Variants in WWP2 observed in about 807,000 individuals in gnomAD.
WWP2 encodes NEDD4-like E3 ubiquitin-protein ligase WWP2.
WWP2 carries 57 observed loss-of-function variants against 121.0 expected under a neutral mutation model. The ratio of observed to expected loss-of-function variants is 0.47; its 90% CI spans 0.38 to 0.59. The LOEUF is 0.59. Ranked by LOEUF, WWP2 falls within the 20% of genes least tolerant of loss-of-function variation. The pLI, the probability that WWP2 is intolerant of heterozygous loss-of-function variation, is 0.00. For missense variants in WWP2, 962 were observed against 1,158.9 expected (o/e 0.83, Z 2.47); for synonymous variants, 449 against 441.3 (o/e 1.02, Z -0.22).
chr16:69,773,128 A>G (rs900192537), intron 1 of WWP2, among the ~76,000 whole-genome samples: 4 of 151,830 alleles, frequency 2.6e-5, no homozygotes, highest in Admixed American at 6.6e-5. Context: ...TTCCTTAGCA[A>G]CAGTCCTGAC....
intron 1 of WWP2, among the ~76,000 whole-genome samples, chr16:69,778,108 T>C (rs138206003): frequency 0.062 from 8,670 of 139,190 alleles, 299 homozygotes; most frequent in Admixed American, 0.1. Flanking sequence ...CACACACACA[T>C]GTATATACAT....
At chr16:69,860,672 C>T (rs780604830) in intron 6 of WWP2, among the ~76,000 whole-genome samples, 10 of 152,106 alleles carry the variant, frequency 6.6e-5, no homozygotes, top group Non-Finnish European at 1.5e-4. Flanking sequence ...CTGCCTCCGT[C>T]CTGCTGAATT....
intron 4 of WWP2, among the ~76,000 whole-genome samples, chr16:69,836,925 C>G (rs1417668711): frequency 6.8e-6 from 1 of 147,958 alleles, no homozygotes; most frequent in East Asian, 2.0e-4. Context: ...CATGCCCAGT[C>G]CTATTTTACT....
chr16:69,909,716 A>G, intron 9 of WWP2: 1 of 982,524 alleles, frequency 1.0e-6, no homozygotes, highest in Non-Finnish European at 1.2e-6. Context: ...AGAAAAAAAC[A>G]AACAACAAAA....
chr16:69,770,408 C>T (rs1433769372), intron 1 of WWP2, among the ~76,000 whole-genome samples: 1 of 152,140 alleles, frequency 6.6e-6, no homozygotes, highest in East Asian at 1.9e-4. Context: ...GTTTGGGGAG[C>T]TTCTGGATGG....
At chr16:69,915,613 T>C (rs1229859372) in intron 9 of WWP2, among the ~76,000 whole-genome samples, 4 of 152,186 alleles carry the variant, frequency 2.6e-5, no homozygotes, top group Non-Finnish European at 5.9e-5. Flanking sequence ...GATGTACACA[T>C]ATACTAGTAG....
intron 10 of WWP2, among the ~76,000 whole-genome samples, chr16:69,918,782 C>T (rs1161558745): frequency 6.6e-6 from 1 of 152,138 alleles, no homozygotes; most frequent in Non-Finnish European, 1.5e-5. Flanking sequence ...CATTTACTGG[C>T]TCAAAACCTT....
At chr16:69,847,842 A>G (rs191082506) in intron 6 of WWP2, among the ~76,000 whole-genome samples, 3 of 152,124 alleles carry the variant, frequency 2.0e-5, no homozygotes, top group South Asian at 2.1e-4. Flanking sequence ...TCACCTCCCA[A>G]CTCTGCCACA....
At chr16:69,777,297 C>CT (rs1426503295) in intron 1 of WWP2, among the ~76,000 whole-genome samples, 1 of 151,276 alleles carries the variant, frequency 6.6e-6, no homozygotes, top group African/African-American at 2.4e-5. Context: ...GTGTGATATA[C>CT]TTTTATATTT....
chr16:69,845,360 T>C (rs1172716706), intron 6 of WWP2, among the ~76,000 whole-genome samples: 1 of 152,122 alleles, frequency 6.6e-6, no homozygotes, highest in East Asian at 1.9e-4. Context: ...GGACTGTAGT[T>C]GGGAGGTGAT....
rs200060090 is a variant in WWP2, at chr16:69,939,313, C to T, written c.2441-28C>T. ...CTTTGGGAAGGGACGTCTCTGCTGA[C>T]GTCGGCGTGTTTTACCTTGGATCAC... On this transcript the variant is annotated intron_variant, in intron 22 of 23. Coordinates refer to ENST00000359154, the MANE Select transcript of WWP2 (RefSeq NM_001270454.2). The T allele has an allele frequency of 5.3e-4, 851 of 1,613,868 alleles. 1 individual carries two copies. The highest frequency in any genetic ancestry group is 1.2e-3 in the African/African-American group (92 of 75,066).
At chr16:69,895,377 TAGTC>T (rs1370998237) in intron 8 of WWP2, among the ~76,000 whole-genome samples, 1 of 152,238 alleles carries the variant, frequency 6.6e-6, no homozygotes, top group African/African-American at 2.4e-5. Flanking sequence ...TATTTTAAAA[TAGTC>T]TGTCTATTGT....
intron 1 of WWP2, chr16:69,786,254 C>G (rs940529610): frequency 6.6e-6 from 1 of 151,118 alleles, no homozygotes; most frequent in Non-Finnish European, 1.5e-5. Flanking sequence ...AAGCAATTCT[C>G]TGCCTCACCC....
intron 6 of WWP2, among the ~76,000 whole-genome samples, chr16:69,854,624 C>T (rs534498928): frequency 2.8e-4 from 42 of 152,102 alleles, no homozygotes; most frequent in Admixed American, 9.2e-4. Flanking sequence ...GATCTTGGCT[C>T]ACTGCAAACT....
chr16:69,907,240 C>T (rs2058308458), intron 8 of WWP2, among the ~76,000 whole-genome samples: 1 of 152,150 alleles, frequency 6.6e-6, no homozygotes, highest in Non-Finnish European at 1.5e-5. Context: ...TTGCTAGATG[C>T]CTGTGGGTTT....
intron 7 of WWP2, among the ~76,000 whole-genome samples, chr16:69,881,972 G>T (rs1001818400): frequency 7.0e-5 from 10 of 143,170 alleles, no homozygotes; most frequent in South Asian, 4.6e-4. Context: ...GGATTATAGG[G>T]GTGAGCCACT....
At chr16:69,786,730 C>T (rs185426382) in intron 1 of WWP2, among the ~76,000 whole-genome samples, 59 of 152,198 alleles carry the variant, frequency 3.9e-4, no homozygotes, top group African/African-American at 1.1e-3. Flanking sequence ...GAATTACAGA[C>T]GTGAGCGACC....
chr16:69,917,904 C>T (rs563265866), intron 10 of WWP2, 21 bp downstream of exon 10: 1 of 1,599,728 alleles, frequency 6.3e-7, no homozygotes, highest in African/African-American at 1.3e-5. Context: ...AGGCGCTTGG[C>T]CCGAGGTGGG....
intron 4 of WWP2, among the ~76,000 whole-genome samples, chr16:69,820,818 A>G (rs974942302): frequency 3.0e-5 from 4 of 133,550 alleles, no homozygotes; most frequent in Admixed American, 8.4e-5. Flanking sequence ...CCATGAATAC[A>G]TGCATATACA....
Sources: gnomAD v4.1 joint callset for allele counts (sites outside exome capture counted in the v4.1 genomes callset) on GRCh38, gnomAD v4.1.1 for gene constraint, MANE v1.5 for transcripts, NCBI Gene and HGNC (gene_info 2026-07-23, HGNC 2026-07-21) for gene names.